The following COX7B2 variants were observed in gnomAD, a reference collection of about 807,000 sequenced individuals.
COX7B2 encodes the protein cytochrome c oxidase subunit 7B2, also known as cytochrome c oxidase subunit 7B2, mitochondrial.
For missense variants in COX7B2, 109 were observed against 95.9 expected (o/e 1.14, Z -0.57); for synonymous variants, 37 against 32.1 (o/e 1.15, Z -0.51).
chr4:46,805,780 C>T (rs983713949), intron 2 of COX7B2, among the ~76,000 whole-genome samples: 1 of 152,112 alleles, frequency 6.6e-6, no homozygotes, highest in African/African-American at 2.4e-5. Context: ...CTCCCTCCTG[C>T]TTCTATTAGA....
At chr4:46,747,132 T>C (rs10938454) in intron 2 of COX7B2, among the ~76,000 whole-genome samples, 49,370 of 151,480 alleles carry the variant, frequency 0.33, 8,237 homozygotes, top group South Asian at 0.47. Context: ...GGGTTTGTTG[T>C]ACAGATTATT....
In COX7B2 at chr4:46,893,348, C is replaced by T. The variant is rs555055734; in HGVS notation, c.-105+15812G>A. On this transcript the variant is annotated intron_variant, in intron 1 of 2. Coordinates refer to ENST00000355591, the MANE Select transcript of COX7B2 (RefSeq NM_130902.3). Reference sequence around the variant, plus strand: ...TACCAGCCAGTTGAAATTCCCTCCACGGATAAGTTATACCCTTTGTACATA... The same window carrying T: ...TACCAGCCAGTTGAAATTCCCTCCATGGATAAGTTATACCCTTTGTACATA... Among the ~76,000 whole-genome samples, 9 of 152,272 alleles carry T rather than the reference C, an allele frequency of 5.9e-5. No homozygotes were observed. The South Asian group carries it at 1.0e-3, about 18-fold the overall frequency.
intron 2 of COX7B2, among the ~76,000 whole-genome samples, chr4:46,745,436 C>G (rs909362338): frequency 1.1e-4 from 16 of 152,138 alleles, no homozygotes; most frequent in African/African-American, 3.9e-4. Context: ...TAGGCCAGTG[C>G]TTTCAGTATA....
chr4:46,811,867 G>T (rs1039048983), intron 2 of COX7B2, among the ~76,000 whole-genome samples: 6 of 152,162 alleles, frequency 3.9e-5, no homozygotes, highest in Non-Finnish European at 7.3e-5. Flanking sequence ...TCTACATTCA[G>T]CTTCTTCCAC....
chr4:46,797,334 T>C (rs1452575628), intron 2 of COX7B2, among the ~76,000 whole-genome samples: 1 of 152,106 alleles, frequency 6.6e-6, no homozygotes, highest in Admixed American at 6.5e-5. Context: ...CATCACGGTG[T>C]TCTACCAGTC....
At chr4:46,818,119 T>C (rs147807810) in intron 2 of COX7B2, among the ~76,000 whole-genome samples, 11 of 152,160 alleles carry the variant, frequency 7.2e-5, no homozygotes, top group South Asian at 2.1e-4. Flanking sequence ...CACAGGATGG[T>C]TGGAAAAATT....
intron 2 of COX7B2, among the ~76,000 whole-genome samples, chr4:46,803,459 G>A (rs1049962709): frequency 1.3e-5 from 2 of 151,844 alleles, no homozygotes; most frequent in African/African-American, 4.8e-5. Flanking sequence ...TGATCTAGTT[G>A]GCATGCTTCC....
In COX7B2 at chr4:46,739,180, G is replaced by A. The variant is rs77298850; in HGVS notation, c.-49-3939C>T. On this transcript the variant is annotated intron_variant, in intron 2 of 2. Coordinates refer to ENST00000355591, the MANE Select transcript of COX7B2 (RefSeq NM_130902.3). ...CACATCTGAAAAAATGGTGTGGAAG[G>A]ATGACTGTTTAACCTTGTTTTACAC... Among the ~76,000 whole-genome samples the A allele has an allele frequency of 8.4e-3, 1,284 of 152,154 alleles. 9 individuals are homozygous for A. Among genetic ancestry groups the A allele is most frequent in the Non-Finnish European group, 0.014 (962 of 67,974 alleles).
rs1250703880 is a variant in COX7B2, at chr4:46,808,862, G to A, written c.-50+36098C>T. On this transcript the variant is annotated intron_variant, in intron 2 of 2. Transcript: ENST00000355591. ...TGATTGATTTGCATATGTTCAACCA[G>A]CCTTGCATGCCAGGGATAAATCTCA... Among the ~76,000 whole-genome samples, 3 of 151,864 alleles carry A rather than the reference G, an allele frequency of 2.0e-5. No individual in the cohort carries two copies. The South Asian group carries it at 6.2e-4, about 32-fold the overall frequency.
intron 2 of COX7B2, among the ~76,000 whole-genome samples, chr4:46,765,826 A>C (rs1303795039): frequency 6.6e-6 from 1 of 151,860 alleles, no homozygotes; most frequent in Non-Finnish European, 1.5e-5. Flanking sequence ...AGGCCAGCCC[A>C]TATGGCCCCA....
At chr4:46,817,582 C>A (rs546950906) in intron 2 of COX7B2, among the ~76,000 whole-genome samples, 27 of 152,318 alleles carry the variant, frequency 1.8e-4, no homozygotes, top group South Asian at 4.1e-4. Flanking sequence ...TCTAAACATT[C>A]TGAATAATTA....
intron 2 of COX7B2, among the ~76,000 whole-genome samples, chr4:46,743,287 C>T (rs1423523062): frequency 6.6e-6 from 1 of 152,164 alleles, no homozygotes; most frequent in African/African-American, 2.4e-5. Flanking sequence ...AGTGTAATCA[C>T]ATTTCTGCAT....
chr4:46,817,510 TTTCTC>T (rs1235851825), intron 2 of COX7B2, among the ~76,000 whole-genome samples: 1 of 152,214 alleles, frequency 6.6e-6, no homozygotes, highest in East Asian at 1.9e-4. Context: ...ACTGTACTCT[TTTCTC>T]TAACTTTTCT....
chr4:46,859,650 C>A (rs569638576), intron 1 of COX7B2, among the ~76,000 whole-genome samples: 1 of 152,262 alleles, frequency 6.6e-6, no homozygotes, highest in African/African-American at 2.4e-5. Context: ...AACTTATTTT[C>A]TGGTTCGAAT....
intron 2 of COX7B2, among the ~76,000 whole-genome samples, chr4:46,802,979 C>T (rs545854085): frequency 4.4e-4 from 67 of 152,222 alleles, no homozygotes; most frequent in South Asian, 3.9e-3. Flanking sequence ...CCCAAATACA[C>T]GGTAAGAATT....
intron 1 of COX7B2, among the ~76,000 whole-genome samples, chr4:46,888,248 C>G (rs764107139): frequency 2.0e-5 from 3 of 152,088 alleles, no homozygotes; most frequent in Non-Finnish European, 2.9e-5. Context: ...TGCATTCAAC[C>G]GAGACTTCAG....
rs528184332 is a variant in COX7B2 at position 46,777,234 on chromosome 4, G to C, written c.-49-41993C>G. ...CAAAAAAATTCCATGAGATAAAAGG[G>C]GAGTAAAGGCCTGAATGAAATGCTT... On this transcript the variant is annotated intron_variant, in intron 2 of 2. Transcript: ENST00000355591. Among the ~76,000 whole-genome samples the C allele has an allele frequency of 5.3e-5, 8 of 152,166 alleles. No individual in the cohort carries two copies. The East Asian group carries it at 1.4e-3, about 26-fold the overall frequency.
At chr4:46,863,698 T>A (rs1717475639) in intron 1 of COX7B2, among the ~76,000 whole-genome samples, 1 of 152,228 alleles carries the variant, frequency 6.6e-6, no homozygotes, top group Admixed American at 6.5e-5. Flanking sequence ...AGCTTTTTCA[T>A]AGCTCCTGTG....
chr4:46,881,008 A>AAATAAAAAAT (rs1560435069), intron 1 of COX7B2, among the ~76,000 whole-genome samples: 3 of 151,518 alleles, frequency 2.0e-5, no homozygotes, highest in African/African-American at 7.3e-5. Context: ...AAAAAAAAAA[A>AAATAAAAAAT]AAACTCTTGG....
Sources: gnomAD v4.1 joint callset for allele counts (sites outside exome capture counted in the v4.1 genomes callset) on GRCh38, gnomAD v4.1.1 for gene constraint, MANE v1.5 for transcripts, NCBI Gene and HGNC (gene_info 2026-07-23, HGNC 2026-07-21) for gene names.